The following ATP9B variants were observed in gnomAD, a reference collection of about 807,000 sequenced individuals.
The protein encoded by ATP9B is ATPase phospholipid transporting 9B, also known as probable phospholipid-transporting ATPase IIB.
ATP9B carries 110 observed loss-of-function variants against 146.1 expected under a neutral mutation model. The observed-to-expected ratio is 0.75, with a 90% CI of 0.65 to 0.88. ATP9B has a LOEUF of 0.88. Among genes scored for constraint, ATP9B ranks in the 40% least tolerant of loss-of-function variants. The pLI is 0.00. For missense variants in ATP9B, 1,499 were observed against 1,496.4 expected, an observed-to-expected ratio of 1.00 and a Z score of -0.03; for synonymous variants, 604 against 569.7, an observed-to-expected ratio of 1.06 and a Z score of -0.86.
At chr18:79,130,874 A>T (rs2094366887) in intron 5 of ATP9B, among the ~76,000 whole-genome samples, 1 of 152,222 alleles carries the variant, frequency 6.6e-6, no homozygotes, top group Non-Finnish European at 1.5e-5. Context: ...AGAAATGAAG[A>T]AGTTTTCTGG....
intron 12 of ATP9B, among the ~76,000 whole-genome samples, chr18:79,256,286 T>TATATACACAC (rs398033647): frequency 1.6e-5 from 2 of 123,074 alleles, no homozygotes; most frequent in African/African-American, 6.5e-5. Context: ...TATATATATA[T>TATATACACAC]ACATACATAG....
At position 79,118,398 on chromosome 18, in the gene ATP9B, T is replaced by G. The variant is rs906158660; in HGVS notation, c.558+5044T>G. ...TCATATTGAACGTTTTTGTTTTTTTTTTTTTTTTTTTTTTTTTTTTGAGAC... is the reference window on the plus strand; with the variant it reads ...TCATATTGAACGTTTTTGTTTTTTTGTTTTTTTTTTTTTTTTTTTTGAGAC... On this transcript the variant is annotated intron_variant, in intron 4 of 29. Coordinates refer to ENST00000426216, the MANE Select transcript of ATP9B (RefSeq NM_198531.5). Among the ~76,000 whole-genome samples, 716 of 124,442 alleles carry G rather than the reference T, an allele frequency of 5.8e-3. 16 individuals are homozygous for G. Among genetic ancestry groups the G allele is most frequent in the African/African-American group, 0.02 (665 of 33,446 alleles). The allele number at this position is 124,442 out of a possible 152,430, so 81.6% of individuals were successfully genotyped here. A position where few individuals can be genotyped will look rare whatever the true frequency, so the allele number is the denominator to read the frequency against.
intron 9 of ATP9B, among the ~76,000 whole-genome samples, chr18:79,205,841 C>G (rs1488901554): frequency 6.6e-6 from 1 of 152,056 alleles, no homozygotes; most frequent in Non-Finnish European, 1.5e-5. Flanking sequence ...TGTCGTGATA[C>G]TGATGTGTGG....
intron 5 of ATP9B, among the ~76,000 whole-genome samples, chr18:79,133,565 G>A (rs76470807): frequency 0.043 from 6,443 of 151,534 alleles, 459 homozygotes; most frequent in African/African-American, 0.15. Context: ...ATACACTCAG[G>A]TGTGGCCATA....
intron 12 of ATP9B, among the ~76,000 whole-genome samples, chr18:79,265,227 C>A (rs1217464792): frequency 1.3e-5 from 2 of 152,202 alleles, no homozygotes; most frequent in African/African-American, 2.4e-5. Flanking sequence ...CCAGTTCCAT[C>A]CATGTTCCTG....
rs561464167 is a variant in ATP9B, at chr18:79,122,854, C to T, written c.559-3413C>T. ...TTATTTCATTGCTGCTTTGTCATAA[C>T]TTGTTACCAGCTTTGAAGAAACTGG... is the stretch of plus-strand genomic sequence containing the variant. On this transcript the variant is annotated intron_variant, in intron 4 of 29. Transcript: ENST00000426216. Among the ~76,000 whole-genome samples the T allele has an allele frequency of 1.1e-4, 17 of 152,232 alleles. 1 individual carries two copies. In the South Asian group the frequency reaches 3.5e-3, roughly 32 times the overall value.
chr18:79,069,483 T>G lies in ATP9B; in HGVS notation c.73T>G (p.Tyr25Asp). 1 of 1,488,708 alleles carries G rather than the reference T, an allele frequency of 6.7e-7. No homozygotes were observed. The highest frequency in any genetic ancestry group is 2.9e-5 in the East Asian group (1 of 34,036). The allele number at this position is 1,488,708 out of a possible 1,614,324, so 92.2% of individuals were successfully genotyped here. A position where few individuals can be genotyped will look rare whatever the true frequency, so the allele number is the denominator to read the frequency against. The change falls in exon 1 of 30, where the codon TAC becomes GAC. Residue 25 changes from tyrosine to aspartate, a missense_variant. Physicochemically the swap from Tyr to Asp is radical, Grantham distance 160. Transcript: ENST00000426216. ...AAAANRKRAAYYSAAGPRPGA... is the reference protein window; with the variant it reads ...AAAANRKRAADYSAAGPRPGA... ...CGCAGCCAACCGCAAACGCGCGGCC[T>G]ACTACAGCGCCGCGGGGCCCAGGCC...
rs1260185307 is a variant in ATP9B at position 79,308,610 on chromosome 18, CAGAG to C, written c.1773+1379_1773+1382del. ...TCCAGAGCAGACAGACCCATGGAGACAGAGAGCAGAGCAGCAGGTACCAGGGTCT... is the reference window on the plus strand; with the variant it reads ...TCCAGAGCAGACAGACCCATGGAGACAGCAGAGCAGCAGGTACCAGGGTCT... On this transcript the variant is annotated intron_variant, in intron 15 of 29. Transcript: ENST00000426216. 3.9e-5 allele frequency among the ~76,000 whole-genome samples: 6 copies of C among 152,296 alleles called. No individual in the cohort carries two copies. In the South Asian group the frequency reaches 1.0e-3, roughly 26 times the overall value.
At chr18:79,092,680 A>G (rs543835034) in intron 1 of ATP9B, among the ~76,000 whole-genome samples, 11 of 150,144 alleles carry the variant, frequency 7.3e-5, no homozygotes, top group Non-Finnish European at 1.0e-4. Flanking sequence ...GGAAACAAAA[A>G]CACACATATT....
At position 79,115,553 on chromosome 18, in the gene ATP9B, G is replaced by A. The variant is rs965381060; in HGVS notation, c.558+2199G>A. ...AGGCTACAGTAACCAAAACAGCATGGTACTGGTACCAAAACAGAGATATAG... is the reference window on the plus strand; with the variant it reads ...AGGCTACAGTAACCAAAACAGCATGATACTGGTACCAAAACAGAGATATAG... On this transcript the variant is annotated intron_variant, in intron 4 of 29. Coordinates refer to ENST00000426216, the MANE Select transcript of ATP9B (RefSeq NM_198531.5). 2.2e-4 allele frequency: 29 copies of A among 129,208 alleles called. 1 individual carries two copies. In the East Asian group the frequency reaches 6.1e-3, roughly 27 times the overall value. The allele number at this position is 129,208 out of a possible 1,614,324, so 8.0% of individuals were successfully genotyped here.
At chr18:79,217,145 C>T (rs369994908) in intron 11 of ATP9B, among the ~76,000 whole-genome samples, 23 of 152,288 alleles carry the variant, frequency 1.5e-4, no homozygotes, top group Admixed American at 9.2e-4. Flanking sequence ...CTCCTGAGGA[C>T]GTTTTCCTTA....
rs1410274728 is a variant in ATP9B, at chr18:79,119,753, G to C, written c.558+6399G>C. Among the ~76,000 whole-genome samples, 5 of 152,150 alleles carry C rather than the reference G, an allele frequency of 3.3e-5. No homozygotes were observed. In the East Asian group the frequency reaches 9.6e-4, roughly 29 times the overall value. Reference sequence around the variant, plus strand: ...CCTTGGTTTGGCAGCAGCCACAATTGATGCTACCTTTCAGATAACAAATGA... The same window carrying C: ...CCTTGGTTTGGCAGCAGCCACAATTCATGCTACCTTTCAGATAACAAATGA... On this transcript the variant is annotated intron_variant, in intron 4 of 29. Coordinates refer to ENST00000426216, the MANE Select transcript of ATP9B (RefSeq NM_198531.5).
intron 13 of ATP9B, among the ~76,000 whole-genome samples, chr18:79,279,948 C>T (rs2096358569): frequency 6.6e-6 from 1 of 152,188 alleles, no homozygotes; most frequent in Admixed American, 6.5e-5. Flanking sequence ...TGCACGTGTT[C>T]TACTCTCCAG....
chr18:79,085,633 G>C (rs2073752525), intron 1 of ATP9B: 1 of 152,146 alleles, frequency 6.6e-6, no homozygotes, highest in Non-Finnish European at 1.5e-5. Flanking sequence ...TTAAGTGATA[G>C]TGGTGTCATT....
At position 79,307,978 on chromosome 18, in the gene ATP9B, T is replaced by TG. The variant is rs533021290; in HGVS notation, c.1773+749dup. ...CTGTGTCATATACATAAATAATTGG[T>TG]GGGGGCAGGGCGTACCTTCAGTGAA... On this transcript the variant is annotated intron_variant, in intron 15 of 29. Coordinates refer to ENST00000426216, the MANE Select transcript of ATP9B (RefSeq NM_198531.5). 2.7e-3 allele frequency among the ~76,000 whole-genome samples: 410 copies of TG among 152,160 alleles called. 2 individuals are homozygous for TG. The highest frequency in any genetic ancestry group is 4.4e-3 in the Non-Finnish European group (301 of 67,990).
intron 1 of ATP9B, among the ~76,000 whole-genome samples, chr18:79,096,142 A>G (rs1267346118): frequency 6.6e-6 from 1 of 152,090 alleles, no homozygotes; most frequent in African/African-American, 2.4e-5. Context: ...GTTTCAGAAG[A>G]TTGGTTTTTT....
chr18:79,269,504 T>A (rs1008022537), intron 12 of ATP9B, among the ~76,000 whole-genome samples: 3 of 152,192 alleles, frequency 2.0e-5, no homozygotes. Context: ...TAAAAAAAAT[T>A]TTTATGTATC....
In ATP9B at chr18:79,375,654, C is replaced by T. The variant is rs114083224; in HGVS notation, c.3307+228C>T. The T allele has an allele frequency of 2.6e-3, 2,528 of 985,354 alleles. 54 individuals carry two copies. The African/African-American group carries it at 0.042, about 16-fold the overall frequency. 61.0% of individuals were successfully genotyped at this position (985,354 alleles called of 1,614,324 possible). A position where few individuals can be genotyped will look rare whatever the true frequency, so the allele number is the denominator to read the frequency against. ...GTGGCCCTGAGTGAGGGGAAGGGGC[C>T]GGGCATCCTGCCATCTGCTGAGGAT... On this transcript the variant is annotated intron_variant, in intron 29 of 29. Coordinates refer to ENST00000426216, the MANE Select transcript of ATP9B (RefSeq NM_198531.5).
intron 7 of ATP9B, chr18:79,174,203 C>CT: frequency 2.3e-6 from 1 of 426,996 alleles, no homozygotes; most frequent in South Asian, 1.7e-5. Flanking sequence ...TAAATTGGAT[C>CT]TTAAACTTTA....
Sources: gnomAD v4.1 joint callset for allele counts (sites outside exome capture counted in the v4.1 genomes callset) on GRCh38, gnomAD v4.1.1 for gene constraint, MANE v1.5 for transcripts, NCBI Gene and HGNC (gene_info 2026-07-23, HGNC 2026-07-21) for gene names.